FBN2: variants seen among roughly 807,000 people sequenced by gnomAD.
The protein encoded by FBN2 is fibrillin-2.
A neutral mutation model predicts 355.6 loss-of-function variants in FBN2; 105 were observed. That is an observed-to-expected ratio of 0.30 (90% CI 0.25 to 0.35). The LOEUF (loss-of-function observed/expected upper bound fraction) is 0.35. Ranked by LOEUF, FBN2 falls within the 10% of genes least tolerant of loss-of-function variation. The pLI is 1.00. For synonymous variants in FBN2, 1,350 were observed against 1,301.2 expected, an observed-to-expected ratio of 1.04 and a Z score of -0.81; for missense variants, 3,280 against 3,758.7, an observed-to-expected ratio of 0.87 and a Z score of 3.33.
Position 128,345,781 on chromosome 5 carries a change from A to C in FBN2, c.2990-197T>G, listed in dbSNP as rs372035108. Reference sequence around the variant, plus strand: ...GGAGAACAAAGGTGAGATCCTCTTCAGTCTTAATTCTCACAAGAAACCCTC... The same window carrying C: ...GGAGAACAAAGGTGAGATCCTCTTCCGTCTTAATTCTCACAAGAAACCCTC... On this transcript the variant is annotated intron_variant, in intron 23 of 64. Transcript: ENST00000262464. Among the ~76,000 whole-genome samples the C allele has an allele frequency of 2.0e-5, 3 of 152,200 alleles. 1 individual carries two copies. Among genetic ancestry groups the C allele is most frequent in the South Asian group, 4.1e-4 (2 of 4,830 alleles).
In FBN2 at chr5:128,449,420, A is replaced by AT. The variant is rs1368642019; in HGVS notation, c.827-2815dup. Among the ~76,000 whole-genome samples the AT allele has an allele frequency of 1.7e-4, 24 of 139,868 alleles. 1 individual carries two copies. Among genetic ancestry groups the AT allele is most frequent in the African/African-American group, 6.2e-4 (23 of 37,334 alleles). The allele number at this position is 139,868 out of a possible 152,430, so 91.8% of individuals were successfully genotyped here. ...ATACTGTATAATTATATAGTATACTATATAATAGTATACTGTATAATTATA... is the reference window on the plus strand; with the variant it reads ...ATACTGTATAATTATATAGTATACTATTATAATAGTATACTGTATAATTATA... On this transcript the variant is annotated intron_variant, in intron 6 of 64. Coordinates refer to ENST00000262464, the MANE Select transcript of FBN2 (RefSeq NM_001999.4).
At chr5:128,492,087 G>T (rs766126175) in intron 5 of FBN2, among the ~76,000 whole-genome samples, 1 of 152,136 alleles carries the variant, frequency 6.6e-6, no homozygotes, top group Non-Finnish European at 1.5e-5. Flanking sequence ...GTCAAAGTTA[G>T]AAAGGCATTC....
intron 53 of FBN2, 43 bp downstream of exon 53, chr5:128,288,395 T>C (rs987344757): frequency 1.2e-6 from 2 of 1,605,754 alleles, no homozygotes; most frequent in African/African-American, 1.3e-5. Context: ...AAAAACACTT[T>C]CTATGTCAAG....
chr5:128,345,774 CCT>C (rs1292767410), intron 23 of FBN2, among the ~76,000 whole-genome samples, 190 bp from the exon 24 acceptor site: 1 of 152,166 alleles, frequency 6.6e-6, no homozygotes, highest in Non-Finnish European at 1.5e-5. Flanking sequence ...AAGGTGAGAT[CCT>C]CTTCAGTCTT....
intron 62 of FBN2, among the ~76,000 whole-genome samples, chr5:128,265,978 TC>T (rs531269699): frequency 1.0e-3 from 152 of 152,328 alleles, no homozygotes; most frequent in African/African-American, 3.4e-3. Context: ...CCCCCATCAA[TC>T]ATATGAATGG....
chr5:128,487,207 G>C (rs1755361905), intron 5 of FBN2, among the ~76,000 whole-genome samples: 1 of 152,190 alleles, frequency 6.6e-6, no homozygotes, highest in African/African-American at 2.4e-5. Context: ...GGTAGCCATG[G>C]AGGCATGTGT....
At chr5:128,477,705 C>T (rs937362292) in intron 5 of FBN2, among the ~76,000 whole-genome samples, 94 of 152,128 alleles carry the variant, frequency 6.2e-4, no homozygotes, top group African/African-American at 2.2e-3. Context: ...TGATGATGCA[C>T]AACAGACCCC....
chr5:128,464,572 G>C, intron 6 of FBN2, 152 bp downstream of exon 6: 3 of 749,540 alleles, frequency 4.0e-6, no homozygotes, highest in South Asian at 1.7e-5. Flanking sequence ...GTGGCTAAAA[G>C]ATAAACCTTC....
rs1756498007 is a variant in FBN2 at position 128,523,817 on chromosome 5, A to G, written c.532+4055T>C. On this transcript the variant is annotated intron_variant, in intron 4 of 64. Transcript: ENST00000262464. Reference sequence around the variant, plus strand: ...CACCACGCCTGGTCCATCAGAGTATACCTCCAAAATACAAGCTCAATACAA... The same window carrying G: ...CACCACGCCTGGTCCATCAGAGTATGCCTCCAAAATACAAGCTCAATACAA... 2.0e-5 allele frequency among the ~76,000 whole-genome samples: 3 copies of G among 151,906 alleles called. No homozygotes were observed. In the South Asian group the frequency reaches 6.3e-4, roughly 32 times the overall value.
intron 27 of FBN2, among the ~76,000 whole-genome samples, chr5:128,336,538 G>A (rs1750848604): frequency 6.6e-6 from 1 of 152,138 alleles, no homozygotes; most frequent in Admixed American, 6.5e-5. Context: ...ACACTGGCAC[G>A]CTCACCTGGT....
At chr5:128,293,903 T>A (rs1177649666) in intron 48 of FBN2, among the ~76,000 whole-genome samples, 1 of 152,048 alleles carries the variant, frequency 6.6e-6, no homozygotes, top group Admixed American at 6.5e-5. Context: ...TAGTTACATA[T>A]GTATACATGT....
chr5:128,412,919 C>G (rs572391417), intron 7 of FBN2, among the ~76,000 whole-genome samples: 4 of 152,210 alleles, frequency 2.6e-5, no homozygotes, highest in African/African-American at 9.6e-5. Flanking sequence ...AACATATATT[C>G]AGGATATAAT....
chr5:128,335,077 C>G (rs1048227733), intron 30 of FBN2, 93 bp downstream of exon 30: 2 of 1,553,218 alleles, frequency 1.3e-6, no homozygotes, highest in South Asian at 1.1e-5. Context: ...AAAATAACAA[C>G]AGAAAAAGCC....
rs1227036777 is a variant in FBN2 at position 128,519,322 on chromosome 5, G to C, written c.579C>G (p.Pro193=). 3 of 1,613,820 alleles carry C rather than the reference G, an allele frequency of 1.9e-6. No homozygotes were observed. Among genetic ancestry groups the C allele is most frequent in the Non-Finnish European group, 2.5e-6 (3 of 1,179,952 alleles). ...ACCCATAAACACAAGCACAGCGGTT[G>C]GGTCCGATGCAACGTCCACCATTCT... ...GCQNGGRCIG[P]NRCACVYGFT... Residue 193 remains proline (P), a synonymous_variant, in exon 5 of 65, where the codon CCC becomes CCG. Transcript: ENST00000262464.
At chr5:128,399,357 ATATCT>A (rs1312859183) in intron 8 of FBN2, among the ~76,000 whole-genome samples, 2 of 152,242 alleles carry the variant, frequency 1.3e-5, no homozygotes, top group Non-Finnish European at 2.9e-5. Flanking sequence ...CAATGAAATA[ATATCT>A]TAGTATACTC....
intron 40 of FBN2, 28 bp downstream of exon 40, chr5:128,309,955 C>T (rs950656405): frequency 2.7e-5 from 43 of 1,611,796 alleles, no homozygotes; most frequent in Non-Finnish European, 3.2e-5. Flanking sequence ...CAACTGTGCT[C>T]TAATTAATCT....
intron 2 of FBN2, among the ~76,000 whole-genome samples, chr5:128,535,921 G>C (rs1052487805): frequency 5.9e-5 from 9 of 151,780 alleles, no homozygotes; most frequent in African/African-American, 2.2e-4. Context: ...TTCGTATCTA[G>C]GTTATGTGGT....
At chr5:128,530,437 A>G (rs1581374466) in intron 3 of FBN2, among the ~76,000 whole-genome samples, 158 bp downstream of exon 3, 1 of 152,324 alleles carries the variant, frequency 6.6e-6, no homozygotes, top group Middle Eastern at 3.4e-3. Flanking sequence ...TTACTTTGCT[A>G]TTCTGTAAAA....
chr5:128,259,671 A>T lies in FBN2; in HGVS notation c.8523T>A (p.Asp2841Glu). The T allele has an allele frequency of 1.2e-6, 2 of 1,614,044 alleles. No individual in the cohort carries two copies. The highest frequency in any genetic ancestry group is 1.7e-6 in the Non-Finnish European group (2 of 1,179,990). ...HIRYVISQGNDDSVFRIHQRN... is the reference protein window; with the variant it reads ...HIRYVISQGNEDSVFRIHQRN... Reference sequence around the variant, plus strand: ...TTTGGTGGATGCGGAAGACGCTGTCATCGTTCCCTTGAGAGATGACATAAC... The same window carrying T: ...TTTGGTGGATGCGGAAGACGCTGTCTTCGTTCCCTTGAGAGATGACATAAC... Residue 2841 changes from aspartate (D) to glutamate (E), a missense_variant, in exon 65 of 65, where the codon GAT becomes GAA. Physicochemically the swap from Asp to Glu is conservative, Grantham distance 45. Around this residue, in one of 6 missense-constraint regions of FBN2, gnomAD observed 311 missense variants for 319.1 expected, o/e 0.97. Coordinates refer to ENST00000262464, the MANE Select transcript of FBN2 (RefSeq NM_001999.4).
Sources: allele counts gnomAD v4.1 joint callset (sites outside exome capture counted in the v4.1 genomes callset), GRCh38; gene constraint gnomAD v4.1.1; regional missense constraint gnomAD v4.1.1; transcripts MANE v1.5; gene names NCBI Gene and HGNC (gene_info 2026-07-23, HGNC 2026-07-21).